Variants in SAMMSON observed in about 807,000 individuals in gnomAD.
The protein encoded by SAMMSON is long intergenic non-protein coding RNA 1212.
intron 7 of SAMMSON, among the ~76,000 whole-genome samples, chr3:70,345,369 G>A (rs968475566): frequency 1.3e-5 from 2 of 152,128 alleles, no homozygotes; most frequent in African/African-American, 4.8e-5. Flanking sequence ...GGTATTTTCA[G>A]TGTTACTTAG....
At chr3:70,046,824 T>G (rs1052515061) in intron 3 of SAMMSON, among the ~76,000 whole-genome samples, 32 of 152,100 alleles carry the variant, frequency 2.1e-4, no homozygotes, top group African/African-American at 7.7e-4. Flanking sequence ...CCCACATTCT[T>G]TGTCTGGTGG....
chr3:70,388,679 G>A (rs1026452652), intron 9 of SAMMSON, among the ~76,000 whole-genome samples: 14 of 152,138 alleles, frequency 9.2e-5, no homozygotes, highest in Admixed American at 3.3e-4. Context: ...ACATCATCCC[G>A]TGCTTATTTT....
At chr3:70,102,787 C>T (rs181497202) in intron 4 of SAMMSON, among the ~76,000 whole-genome samples, 59 of 152,266 alleles carry the variant, frequency 3.9e-4, no homozygotes, top group African/African-American at 1.3e-3. Context: ...AGAGAATGGA[C>T]ATAGAGAGCG....
At chr3:70,034,363 G>A (rs183372183) in intron 3 of SAMMSON, among the ~76,000 whole-genome samples, 379 of 152,122 alleles carry the variant, frequency 2.5e-3, no homozygotes, top group African/African-American at 3.8e-3. Context: ...TATATTCACC[G>A]AAGAATGGGT....
intron 3 of SAMMSON, among the ~76,000 whole-genome samples, chr3:70,051,694 T>C (rs1048167804): frequency 5.3e-5 from 8 of 151,934 alleles, no homozygotes; most frequent in Non-Finnish European, 1.2e-4. Context: ...TAAAAAATTG[T>C]AGAGTGTCTC....
At chr3:70,220,888 A>G (rs1183485901) in intron 4 of SAMMSON, among the ~76,000 whole-genome samples, 2 of 152,116 alleles carry the variant, frequency 1.3e-5, no homozygotes, top group Non-Finnish European at 2.9e-5. Flanking sequence ...AGGGAGGGGA[A>G]CCATGCCTTG....
At chr3:70,135,314 T>A (rs1444323762) in intron 4 of SAMMSON, among the ~76,000 whole-genome samples, 1 of 152,174 alleles carries the variant, frequency 6.6e-6, no homozygotes, top group South Asian at 2.1e-4. Context: ...ATATGTACCT[T>A]TGACCTTATT....
At chr3:70,103,679 G>A (rs562876442) in intron 4 of SAMMSON, among the ~76,000 whole-genome samples, 32 of 152,214 alleles carry the variant, frequency 2.1e-4, no homozygotes, top group African/African-American at 6.7e-4. Flanking sequence ...AGCTCTGAAG[G>A]TAGAAAACTT....
intron 4 of SAMMSON, among the ~76,000 whole-genome samples, chr3:70,100,921 A>G (rs1210756361): frequency 2.0e-5 from 3 of 152,214 alleles, no homozygotes; most frequent in East Asian, 1.9e-4. Context: ...CATATTGTTC[A>G]TATTTAGAAA....
At chr3:70,423,862 A>G (rs1460567366) in intron 2 of SAMMSON, among the ~76,000 whole-genome samples, 1 of 152,166 alleles carries the variant, frequency 6.6e-6, no homozygotes, top group African/African-American at 2.4e-5. Context: ...ACAATTTGGA[A>G]ATGGGCAAAA....
At chr3:70,082,350 G>A (rs998445245) in intron 4 of SAMMSON, among the ~76,000 whole-genome samples, 7 of 152,190 alleles carry the variant, frequency 4.6e-5, no homozygotes, top group Non-Finnish European at 8.8e-5. Flanking sequence ...GTCTTTAAAA[G>A]CATTTCCCAG....
At chr3:70,329,048 T>C (rs1321989251) in intron 7 of SAMMSON, among the ~76,000 whole-genome samples, 2 of 152,062 alleles carry the variant, frequency 1.3e-5, no homozygotes, top group African/African-American at 2.4e-5. Context: ...AGAAAAGAAA[T>C]CAACCAGCTA....
At chr3:70,400,880 C>T (rs1041436870) in intron 2 of SAMMSON, among the ~76,000 whole-genome samples, 1 of 151,652 alleles carries the variant, frequency 6.6e-6, no homozygotes, top group East Asian at 1.9e-4. Flanking sequence ...TGTAGTGAGC[C>T]GAGATCACAC....
chr3:70,172,330 T>G (rs1040927038), intron 4 of SAMMSON: 13 of 151,148 alleles, frequency 8.6e-5, no homozygotes, highest in African/African-American at 2.9e-4. Flanking sequence ...GGGTACTCTC[T>G]GCGTCATGCT....
intron 6 of SAMMSON, among the ~76,000 whole-genome samples, chr3:70,277,519 G>C (rs888754966): frequency 3.9e-5 from 6 of 152,096 alleles, no homozygotes; most frequent in Non-Finnish European, 5.9e-5. Context: ...ATCTCTGAAC[G>C]AACAGACCGC....
At chr3:70,115,709 A>G (rs1222844198) in intron 4 of SAMMSON, among the ~76,000 whole-genome samples, 1 of 152,190 alleles carries the variant, frequency 6.6e-6, no homozygotes, top group Non-Finnish European at 1.5e-5. Flanking sequence ...GAGTCTACAG[A>G]CATAGGAATT....
downstream of SAMMSON, among the ~76,000 whole-genome samples, chr3:70,392,488 T>A (rs974111530): frequency 6.6e-6 from 1 of 152,100 alleles, no homozygotes; most frequent in Admixed American, 6.6e-5. Context: ...TGCAGCCTCG[T>A]AGTTGATTGC....
chr3:70,297,874 A>G (rs1202448677), intron 7 of SAMMSON, among the ~76,000 whole-genome samples: 1 of 152,154 alleles, frequency 6.6e-6, no homozygotes, highest in Non-Finnish European at 1.5e-5. Context: ...TGAAAAGTAC[A>G]GTTGATGCAT....
At chr3:70,081,571 C>T (rs773875421) in intron 4 of SAMMSON, among the ~76,000 whole-genome samples, 5 of 152,156 alleles carry the variant, frequency 3.3e-5, no homozygotes, top group Non-Finnish European at 7.3e-5. Context: ...AATGAATATA[C>T]GTTGCAGTGA....
Sources: allele counts gnomAD v4.1 joint callset (sites outside exome capture counted in the v4.1 genomes callset), GRCh38; gene constraint gnomAD v4.1.1; transcripts MANE v1.5; gene names NCBI Gene and HGNC (gene_info 2026-07-23, HGNC 2026-07-21).